The following TTLL5 variants were observed in gnomAD, a reference collection of about 807,000 sequenced individuals.
The protein encoded by TTLL5 is tubulin tyrosine ligase like 5.
TTLL5 carries 132 observed loss-of-function variants against 168.4 expected under a neutral mutation model. That is an observed-to-expected ratio of 0.78 (90% confidence interval 0.68 to 0.91). The LOEUF (loss-of-function observed/expected upper bound fraction) is 0.91, where lower values mean the gene tolerates loss of function less well. TTLL5 is among the 40% of genes least tolerant of loss of function. The pLI is 0.00. For missense variants in TTLL5, 1,545 were observed against 1,581.5 expected (o/e 0.98, Z 0.39); for synonymous variants, 546 against 558.6 (o/e 0.98, Z 0.32).
At chr14:75,894,271 G>C (rs932688853) in intron 30 of TTLL5, among the ~76,000 whole-genome samples, 4 of 152,222 alleles carry the variant, frequency 2.6e-5, no homozygotes, top group African/African-American at 9.6e-5. Flanking sequence ...AGCAAAGGAG[G>C]CTGGGCGCAG....
In TTLL5 at chr14:75,884,337, C is replaced by A. The variant is rs549408000; in HGVS notation, c.3740+1435C>A. ...AGTACCCTCAGAAGGCCCTTGGTGG[C>A]CTGTGTGGCTAGCTGGTGGAGAGGT... On this transcript the variant is annotated intron_variant, in intron 30 of 31. Transcript: ENST00000298832. Among the ~76,000 whole-genome samples the A allele has an allele frequency of 4.6e-5, 7 of 152,286 alleles. No individual in the cohort carries two copies. The East Asian group carries it at 9.6e-4, about 21-fold the overall frequency.
chr14:75,874,912 A>G (rs957589466), intron 29 of TTLL5, among the ~76,000 whole-genome samples: 45 of 142,184 alleles, frequency 3.2e-4, no homozygotes, highest in Non-Finnish European at 2.9e-4. Flanking sequence ...TGACACAGAG[A>G]AAAAAAAAGA....
At chr14:75,687,377 G>A (rs1885143433) in intron 5 of TTLL5, among the ~76,000 whole-genome samples, 1 of 152,060 alleles carries the variant, frequency 6.6e-6, no homozygotes, top group African/African-American at 2.4e-5. Context: ...GGGTTCAAGC[G>A]ATTCTCCTGC....
At chr14:75,722,063 G>C (rs1430494908) in intron 12 of TTLL5, among the ~76,000 whole-genome samples, 2 of 152,236 alleles carry the variant, frequency 1.3e-5, no homozygotes, top group Non-Finnish European at 2.9e-5. Flanking sequence ...AACTCTTCTA[G>C]AATTCCATTT....
Position 75,876,797 on chromosome 14 carries a change from G to A in TTLL5, c.3523-5888G>A, listed in dbSNP as rs375815105. Among the ~76,000 whole-genome samples the A allele has an allele frequency of 1.1e-4, 16 of 152,270 alleles. 1 individual carries two copies. Among genetic ancestry groups the A allele is most frequent in the African/African-American group, 3.9e-4 (16 of 41,538 alleles). Reference sequence around the variant, plus strand: ...AAAGGCCTTTTGGAAGCTTACTTTTGCCAAAATAGAAACAGTTACTCTCAC... The same window carrying A: ...AAAGGCCTTTTGGAAGCTTACTTTTACCAAAATAGAAACAGTTACTCTCAC... On this transcript the variant is annotated intron_variant, in intron 29 of 31. Coordinates refer to ENST00000298832, the MANE Select transcript of TTLL5 (RefSeq NM_015072.5).
Position 75,772,669 on chromosome 14 carries a change from C to CT in TTLL5, c.2136+831dup, listed in dbSNP as rs904209991. On this transcript the variant is annotated intron_variant, in intron 21 of 31. Transcript: ENST00000298832. The stretch of plus-strand genomic sequence containing the variant: ...GAAGAAGCCACAGCCCTTCCATATT[C>CT]TTTTTTTTTTTTTTTTGAGACAGAG... 4.0e-3 allele frequency among the ~76,000 whole-genome samples: 552 copies of CT among 136,852 alleles called. 1 individual carries two copies. The highest frequency in any genetic ancestry group is 5.2e-3 in the Non-Finnish European group (325 of 62,364). 89.8% of individuals were successfully genotyped at this position (136,852 alleles called of 152,430 possible). A position where few individuals can be genotyped will look rare whatever the true frequency, so the allele number is the denominator to read the frequency against.
intron 31 of TTLL5, among the ~76,000 whole-genome samples, chr14:75,946,151 G>GC (rs2034764088): frequency 6.6e-6 from 1 of 152,170 alleles, no homozygotes; most frequent in African/African-American, 2.4e-5. Context: ...AGGAGGAATT[G>GC]GGGGCAACAT....
intron 31 of TTLL5, among the ~76,000 whole-genome samples, chr14:75,948,576 A>C (rs181420130): frequency 6.6e-6 from 1 of 152,312 alleles, no homozygotes; most frequent in Non-Finnish European, 1.5e-5. Context: ...ATTTATGCTT[A>C]CAGTGAGGGA....
At chr14:75,676,962 A>C (rs777948562) in intron 3 of TTLL5, among the ~76,000 whole-genome samples, 3 of 151,870 alleles carry the variant, frequency 2.0e-5, no homozygotes, top group Non-Finnish European at 4.4e-5. Context: ...TTGTAGAGAC[A>C]GGGTCTCCTA....
chr14:75,791,145 A>C (rs1194086760), intron 26 of TTLL5, among the ~76,000 whole-genome samples: 1 of 149,956 alleles, frequency 6.7e-6, no homozygotes, highest in Non-Finnish European at 1.5e-5. Flanking sequence ...GTATTACTAC[A>C]TAAACTTGAA....
At chr14:75,707,117 T>A (rs1170321530) in intron 8 of TTLL5, 30 bp downstream of exon 8, 4 of 1,582,250 alleles carry the variant, frequency 2.5e-6, no homozygotes, top group African/African-American at 2.7e-5. Flanking sequence ...TTGACCAAAT[T>A]GGGCCAGATT....
chr14:75,832,439 T>C (rs534960248), intron 28 of TTLL5, among the ~76,000 whole-genome samples: 1 of 152,346 alleles, frequency 6.6e-6, no homozygotes, highest in South Asian at 2.1e-4. Flanking sequence ...GTCTTTTCTT[T>C]CTTTCCTGAG....
chr14:75,881,973 C>T (rs1190248812), intron 29 of TTLL5, among the ~76,000 whole-genome samples: 1 of 152,146 alleles, frequency 6.6e-6, no homozygotes, highest in Non-Finnish European at 1.5e-5. Flanking sequence ...TATTTATAGG[C>T]TTACCCTCTG....
chr14:75,661,743 C>G (rs968263861), intron 1 of TTLL5: 1 of 152,256 alleles, frequency 6.6e-6, no homozygotes, highest in Non-Finnish European at 1.5e-5. Context: ...TTTGTTTAAA[C>G]TTAAAGGGCT....
At position 75,748,958 on chromosome 14, in the gene TTLL5, A is replaced by C. The variant is rs1337501053; in HGVS notation, c.1487+3377A>C. ...TTCGTGGTTCTAAGTATAGAGGTAGAACTTAGAGAAATAAAAGAAAAAGCC... is the reference window on the plus strand; with the variant it reads ...TTCGTGGTTCTAAGTATAGAGGTAGCACTTAGAGAAATAAAAGAAAAAGCC... On this transcript the variant is annotated intron_variant, in intron 17 of 31. Coordinates refer to ENST00000298832, the MANE Select transcript of TTLL5 (RefSeq NM_015072.5). Among the ~76,000 whole-genome samples the C allele has an allele frequency of 2.6e-5, 4 of 152,182 alleles. No individual in the cohort carries two copies. The South Asian group carries it at 8.3e-4, about 32-fold the overall frequency.
intron 29 of TTLL5, among the ~76,000 whole-genome samples, chr14:75,871,074 C>T (rs1026773235): frequency 3.3e-5 from 5 of 152,190 alleles, no homozygotes; most frequent in Non-Finnish European, 5.9e-5. Context: ...GGATTACAGG[C>T]GTGAGCCACC....
In TTLL5 at chr14:75,780,614, C is replaced by G. The variant is rs111881309; in HGVS notation, c.2515+912C>G. On this transcript the variant is annotated intron_variant, in intron 24 of 31. Coordinates refer to ENST00000298832, the MANE Select transcript of TTLL5 (RefSeq NM_015072.5). ...TAAGTACTAGATTCAAAGATGGAGA[C>G]TTCTTCCCTGCTCTTAAGTTATGAT... is the stretch of plus-strand genomic sequence containing the variant. 1.5e-3 allele frequency among the ~76,000 whole-genome samples: 224 copies of G among 152,292 alleles called. 1 individual carries two copies. The highest frequency in any genetic ancestry group is 5.1e-3 in the African/African-American group (211 of 41,570).
intron 28 of TTLL5, among the ~76,000 whole-genome samples, chr14:75,823,999 A>G (rs971754240): frequency 6.6e-6 from 1 of 152,170 alleles, no homozygotes; most frequent in Admixed American, 6.5e-5. Context: ...CCCTTCTTTT[A>G]GATTATTCTT....
chr14:75,773,957 A>AGAGAGAGAAAG, intron 21 of TTLL5, among the ~76,000 whole-genome samples: 1 of 43,384 alleles, frequency 2.3e-5, no homozygotes, highest in Non-Finnish European at 4.3e-5. Context: ...GAGAGAGAGA[A>AGAGAGAGAAAG]AGAGAGAGAG....
Sources: gnomAD v4.1 joint callset for allele counts (sites outside exome capture counted in the v4.1 genomes callset) on GRCh38, gnomAD v4.1.1 for gene constraint, MANE v1.5 for transcripts, NCBI Gene and HGNC (gene_info 2026-07-23, HGNC 2026-07-21) for gene names.